The following PPARGC1A variants were observed in gnomAD, a reference collection of about 807,000 sequenced individuals.
PPARGC1A encodes the protein peroxisome proliferator-activated receptor gamma coactivator 1-alpha.
In PPARGC1A, 25 loss-of-function variants were observed where a neutral mutation model predicts 88.7. The ratio of observed to expected loss-of-function variants is 0.28; its 90% CI spans 0.21 to 0.39. The LOEUF is 0.39. PPARGC1A is among the 10% of genes least tolerant of loss of function. The pLI, the probability that PPARGC1A is intolerant of heterozygous loss-of-function variation, is 1.00. For missense variants in PPARGC1A, 880 were observed against 968.7 expected, an observed-to-expected ratio of 0.91 and a Z score of 1.22; for synonymous variants, 363 against 355.6, an observed-to-expected ratio of 1.02 and a Z score of -0.24.
At chr4:23,943,677 A>T in the PPARGC1A span, among the ~76,000 whole-genome samples, 1 of 152,226 alleles carries the variant, frequency 6.6e-6, no homozygotes, top group Non-Finnish European at 1.5e-5. Flanking sequence ...TATTTCTAAA[A>T]GTACCTTATG....
intron 12 of PPARGC1A, among the ~76,000 whole-genome samples, chr4:23,797,018 A>C (rs1374485320): frequency 6.6e-6 from 1 of 152,076 alleles, no homozygotes; most frequent in African/African-American, 2.4e-5. Flanking sequence ...CTCCGGCCTG[A>C]CCATCCCATT....
the PPARGC1A span, among the ~76,000 whole-genome samples, chr4:24,470,137 C>G: frequency 6.6e-6 from 1 of 152,240 alleles, no homozygotes; most frequent in East Asian, 1.9e-4. The surrounding 1 kb of genome is among the most constrained non-coding windows in gnomAD (Gnocchi z 5.8). Context: ...GCCTCTGACT[C>G]CAGGACTGGG....
intron 2 of PPARGC1A, among the ~76,000 whole-genome samples, chr4:23,856,599 C>A (rs1462670536): frequency 6.6e-6 from 1 of 152,114 alleles, no homozygotes; most frequent in Non-Finnish European, 1.5e-5. Flanking sequence ...TAGTCATTTC[C>A]CTTTAGCCTC....
chr4:24,161,961 T>TACACACAC, the PPARGC1A span, among the ~76,000 whole-genome samples: 12 of 133,940 alleles, frequency 9.0e-5, no homozygotes, highest in East Asian at 8.8e-4. Context: ...AATTGTGATA[T>TACACACAC]ACACACACAC....
the PPARGC1A span, among the ~76,000 whole-genome samples, chr4:24,132,017 A>G: frequency 6.6e-6 from 1 of 152,202 alleles, no homozygotes; most frequent in African/African-American, 2.4e-5. Context: ...CTTTGTGCCA[A>G]TTCACACTGG....
At chr4:24,264,599 T>C in the PPARGC1A span, among the ~76,000 whole-genome samples, 5 of 152,260 alleles carry the variant, frequency 3.3e-5, no homozygotes, top group Admixed American at 6.5e-5. Flanking sequence ...TTTTAGAACC[T>C]TCATTGGCAA....
chr4:24,151,836 A>C, the PPARGC1A span, among the ~76,000 whole-genome samples: 1 of 152,186 alleles, frequency 6.6e-6, no homozygotes, highest in African/African-American at 2.4e-5. Context: ...TATGCCTCTA[A>C]AACAGCACCC....
chr4:24,062,646 G>C, the PPARGC1A span, among the ~76,000 whole-genome samples: 1 of 152,168 alleles, frequency 6.6e-6, no homozygotes, highest in East Asian at 1.9e-4. Context: ...CACAGCCCAT[G>C]GTTCTTCGTC....
chr4:24,236,623 G>A, the PPARGC1A span, among the ~76,000 whole-genome samples: 1,073 of 152,186 alleles, frequency 7.1e-3, 16 homozygotes, highest in African/African-American at 0.025. Context: ...CATGTCAGAC[G>A]GTCCTATCAA....
chr4:24,309,198 C>T, the PPARGC1A span, among the ~76,000 whole-genome samples: 1 of 151,978 alleles, frequency 6.6e-6, no homozygotes, highest in Non-Finnish European at 1.5e-5. Context: ...ATGACAAACA[C>T]CTTGAGGCAA....
intron 2 of PPARGC1A, among the ~76,000 whole-genome samples, chr4:23,844,425 TTA>T (rs1282812050): frequency 3.2e-4 from 41 of 128,138 alleles, no homozygotes; most frequent in Admixed American, 4.6e-4. Flanking sequence ...ATATAATATA[TTA>T]TATATATTAT....
chr4:23,942,220 A>G, the PPARGC1A span, among the ~76,000 whole-genome samples: 63 of 152,330 alleles, frequency 4.1e-4, no homozygotes, highest in African/African-American at 1.5e-3. Flanking sequence ...ACAGGCCTCT[A>G]AGCAGGGAGT....
At chr4:24,184,925 A>G in the PPARGC1A span, among the ~76,000 whole-genome samples, 3 of 152,340 alleles carry the variant, frequency 2.0e-5, no homozygotes, top group South Asian at 6.2e-4. Context: ...AAGCCTCAGA[A>G]AGAGGAGAGG....
chr4:23,959,033 A>G, the PPARGC1A span, among the ~76,000 whole-genome samples: 12 of 144,040 alleles, frequency 8.3e-5, no homozygotes, highest in East Asian at 2.4e-3. Flanking sequence ...AAAAAAAAAA[A>G]GAGCGAGAAA....
the PPARGC1A span, among the ~76,000 whole-genome samples, chr4:24,021,779 C>A: frequency 1.3e-5 from 2 of 152,170 alleles, no homozygotes; most frequent in African/African-American, 4.8e-5. Flanking sequence ...GTGTTCAGCA[C>A]AGTGCCTGAC....
chr4:23,814,352 A>T lies in PPARGC1A; in HGVS notation c.1131T>A (p.Ser377Arg). 1 of 1,613,990 alleles carries T rather than the reference A, an allele frequency of 6.2e-7. No individual in the cohort carries two copies. Among genetic ancestry groups the T allele is most frequent in the Non-Finnish European group, 8.5e-7 (1 of 1,179,980 alleles). ...GHEERKTKRP[S>R]LRLFGDHDYC... ...AGTCATGGTCACCAAACAGCCGCAG[A>T]CTGGGCCGCTTGGTCTTCCTTTCCT... The change falls in exon 8 of 13, where the codon AGT becomes AGA. Residue 377 changes from serine (S) to arginine (R), a missense_variant. Ser to Arg is a moderately radical substitution (Grantham distance 110). Coordinates refer to ENST00000264867, the MANE Select transcript of PPARGC1A (RefSeq NM_013261.5).
chr4:23,816,819 C>A (rs1722078994), intron 7 of PPARGC1A, among the ~76,000 whole-genome samples: 1 of 152,190 alleles, frequency 6.6e-6, no homozygotes, highest in Non-Finnish European at 1.5e-5. Flanking sequence ...TTTTGCTTAT[C>A]TCTTTTCGAA....
At chr4:24,324,898 G>A in the PPARGC1A span, among the ~76,000 whole-genome samples, 1 of 151,496 alleles carries the variant, frequency 6.6e-6, no homozygotes, top group Non-Finnish European at 1.5e-5. Context: ...TCCCCTCCTC[G>A]CCAGCCCAAG....
chr4:24,126,170 G>C, the PPARGC1A span, among the ~76,000 whole-genome samples: 8 of 152,044 alleles, frequency 5.3e-5, no homozygotes, highest in African/African-American at 1.9e-4. Context: ...ATCCCATGTA[G>C]ATGCCAAACG....
Sources: allele counts gnomAD v4.1 joint callset (sites outside exome capture counted in the v4.1 genomes callset), GRCh38; gene constraint gnomAD v4.1.1; non-coding constraint Gnocchi (gnomAD v3.1); transcripts MANE v1.5; gene names NCBI Gene and HGNC (gene_info 2026-07-23, HGNC 2026-07-21).